The following RNF216 variants were observed in gnomAD, a reference collection of about 807,000 sequenced individuals.
RNF216 encodes the protein ring finger protein 216, also known as E3 ubiquitin-protein ligase RNF216.
In RNF216, 72 loss-of-function variants were observed where a neutral mutation model predicts 110.8. The ratio of observed to expected loss-of-function variants is 0.65; its 90% CI spans 0.54 to 0.79. The LOEUF is 0.79. RNF216 is among the 30% of genes least tolerant of loss of function. The pLI is 0.00. For missense variants in RNF216, 1,342 were observed against 1,141.2 expected, an observed-to-expected ratio of 1.18 and a Z score of -2.54; for synonymous variants, 495 against 407.5, an observed-to-expected ratio of 1.21 and a Z score of -2.59.
rs556926898 is a variant in RNF216, at chr7:5,687,232, C to T, written c.2061+24529G>A. Among the ~76,000 whole-genome samples the T allele has an allele frequency of 2.6e-5, 4 of 151,882 alleles. No homozygotes were observed. The South Asian group carries it at 8.3e-4, about 32-fold the overall frequency. ...CCAACATGGTGAAACCCCATCTCTACTAAAAATACAAAAATAAACTGGGCA... is the reference window on the plus strand; with the variant it reads ...CCAACATGGTGAAACCCCATCTCTATTAAAAATACAAAAATAAACTGGGCA... On this transcript the variant is annotated intron_variant, in intron 13 of 16. Coordinates refer to ENST00000389902, the MANE Select transcript of RNF216 (RefSeq NM_207111.4).
At chr7:5,659,038 G>C (rs1788929211) in intron 13 of RNF216, among the ~76,000 whole-genome samples, 1 of 152,178 alleles carries the variant, frequency 6.6e-6, no homozygotes, top group African/African-American at 2.4e-5. Context: ...ATGAGGGTGA[G>C]AGAGAAGCCT....
At chr7:5,675,898 G>A (rs1248926867) in intron 13 of RNF216, among the ~76,000 whole-genome samples, 3 of 151,848 alleles carry the variant, frequency 2.0e-5, no homozygotes, top group Non-Finnish European at 4.4e-5. Flanking sequence ...TAGTAGAGAC[G>A]GGGTTTCTCT....
chr7:5,712,947 T>C (rs899737328), intron 11 of RNF216, 84 bp from the exon 12 acceptor site: 2 of 1,239,730 alleles, frequency 1.6e-6, no homozygotes, highest in East Asian at 5.0e-5. Flanking sequence ...AAAACATAGA[T>C]CCTGAGACAA....
intron 2 of RNF216, among the ~76,000 whole-genome samples, chr7:5,754,117 GTGGT>G (rs1177393542): frequency 7.0e-5 from 9 of 128,022 alleles, no homozygotes; most frequent in Non-Finnish European, 1.5e-4. Flanking sequence ...TTTCTTTTGT[GTGGT>G]GTGTGTGTGT....
intron 13 of RNF216, among the ~76,000 whole-genome samples, chr7:5,658,782 A>T (rs1339954711): frequency 6.6e-6 from 1 of 152,120 alleles, no homozygotes; most frequent in Non-Finnish European, 1.5e-5. Flanking sequence ...GTTATGTTAC[A>T]ACAGTAGCAC....
intron 13 of RNF216, among the ~76,000 whole-genome samples, chr7:5,652,960 C>T (rs868716940): frequency 6.6e-6 from 1 of 152,166 alleles, no homozygotes; most frequent in Admixed American, 6.5e-5. Flanking sequence ...CCAAAGGAGA[C>T]GGATCTTGGG....
intron 8 of RNF216, among the ~76,000 whole-genome samples, chr7:5,722,855 G>C (rs1793521528): frequency 1.3e-5 from 2 of 151,882 alleles, no homozygotes; most frequent in South Asian, 2.1e-4. Flanking sequence ...AACCCCCCAG[G>C]CATGATGGCG....
chr7:5,777,653 G>C (rs1485987399), intron 1 of RNF216: 1 of 152,228 alleles, frequency 6.6e-6, no homozygotes, highest in African/African-American at 2.4e-5. Flanking sequence ...CAAAGCAGAT[G>C]ATGAGTTCAG....
At chr7:5,669,846 C>T (rs112832463) in intron 13 of RNF216, among the ~76,000 whole-genome samples, 1 of 151,882 alleles carries the variant, frequency 6.6e-6, no homozygotes, top group Admixed American at 6.6e-5. Context: ...GAGCTGAGAT[C>T]GCACCACTGC....
intron 13 of RNF216, among the ~76,000 whole-genome samples, chr7:5,672,985 C>T (rs1031042192): frequency 5.9e-5 from 9 of 152,100 alleles, no homozygotes; most frequent in Admixed American, 1.3e-4. Context: ...TCAGGATCTG[C>T]GGTTTATAGA....
chr7:5,707,426 T>A (rs182344407), intron 13 of RNF216, among the ~76,000 whole-genome samples: 1 of 152,330 alleles, frequency 6.6e-6, no homozygotes, highest in Non-Finnish European at 1.5e-5. Context: ...TTTCTCTTTT[T>A]GGAGTGTTTG....
At chr7:5,658,654 CA>C (rs753036691) in intron 13 of RNF216, among the ~76,000 whole-genome samples, 6,335 of 74,926 alleles carry the variant, frequency 0.085, 190 homozygotes, top group African/African-American at 0.18. Context: ...GAGACTGTCT[CA>C]AAAAAAAAAA....
intron 13 of RNF216, among the ~76,000 whole-genome samples, chr7:5,661,241 C>T (rs930604959): frequency 5.9e-5 from 9 of 152,144 alleles, no homozygotes; most frequent in Non-Finnish European, 1.3e-4. Flanking sequence ...CGCCCAGCCC[C>T]TGCAGGCTGT....
rs377498743 is a variant in RNF216, at chr7:5,641,284, C to T, written c.2252G>A (p.Arg751His). ...GAGGTAGCACATCTGGGCACCACAGCGGCAAGACATGCGGTTGCAGCCTTC... is the reference window on the plus strand; with the variant it reads ...GAGGTAGCACATCTGGGCACCACAGTGGCAAGACATGCGGTTGCAGCCTTC... ...KSEGCNRMSC[R>H]CGAQMCYLCR... is the part of the protein sequence containing the mutation. Residue 751 changes from arginine (R) to histidine (H), a missense_variant, in exon 15 of 17, where the codon CGC (arginine) becomes CAC (histidine). By Grantham distance (29) the Arg-to-His change is conservative. Coordinates refer to ENST00000389902, the MANE Select transcript of RNF216 (RefSeq NM_207111.4). The T allele has an allele frequency of 3.1e-6, 5 of 1,614,096 alleles. No homozygotes were observed. The highest frequency in any genetic ancestry group is 1.3e-5 in the African/African-American group (1 of 75,018).
At chr7:5,676,390 T>G (rs538645433) in intron 13 of RNF216, among the ~76,000 whole-genome samples, 1 of 152,378 alleles carries the variant, frequency 6.6e-6, no homozygotes, top group East Asian at 1.9e-4. Flanking sequence ...AAAACAAAGC[T>G]GCCCTTAAAA....
intron 8 of RNF216, 108 bp from the exon 9 acceptor site, chr7:5,721,280 T>C (rs1793409400): frequency 6.1e-6 from 6 of 987,880 alleles, no homozygotes; most frequent in South Asian, 1.6e-5. Flanking sequence ...TCTCTGATGG[T>C]ACGTTTCATG....
intron 2 of RNF216, among the ~76,000 whole-genome samples, chr7:5,754,347 G>C (rs1795502889): frequency 6.6e-6 from 1 of 151,896 alleles, no homozygotes; most frequent in South Asian, 2.1e-4. Flanking sequence ...TTTTTTTGTA[G>C]AGATGGAGTC....
chr7:5,719,580 A>G (rs997896254), intron 9 of RNF216, among the ~76,000 whole-genome samples: 1 of 152,184 alleles, frequency 6.6e-6, no homozygotes, highest in Non-Finnish European at 1.5e-5. Context: ...CCAAGAATAA[A>G]AGACTACAAT....
intron 1 of RNF216, among the ~76,000 whole-genome samples, chr7:5,771,632 C>CA (rs1562481069): frequency 1.3e-5 from 2 of 151,164 alleles, no homozygotes; most frequent in African/African-American, 4.9e-5. Flanking sequence ...CCCATTTCTA[C>CA]AAAAAAAGCA....
Sources: allele counts gnomAD v4.1 joint callset (sites outside exome capture counted in the v4.1 genomes callset), GRCh38; gene constraint gnomAD v4.1.1; transcripts MANE v1.5; gene names NCBI Gene and HGNC (gene_info 2026-07-23, HGNC 2026-07-21).